The following CDHR3 variants were observed in gnomAD, a reference collection of about 807,000 sequenced individuals.
CDHR3 encodes the protein cadherin-related family member 3.
In CDHR3, 79 loss-of-function variants were observed where a neutral mutation model predicts 86.6. The ratio of observed to expected loss-of-function variants is 0.91; its 90% CI spans 0.76 to 1.10. The LOEUF (loss-of-function observed/expected upper bound fraction) is 1.10. Ranked by LOEUF, CDHR3 falls within the 50% of genes least tolerant of loss-of-function variation. The pLI is 0.00. For missense variants in CDHR3, 1,081 were observed against 1,077.6 expected (o/e 1.00, Z -0.04); for synonymous variants, 421 against 402.4 (o/e 1.05, Z -0.55).
At chr7:105,998,469 C>T (rs1271523820) in intron 6 of CDHR3, among the ~76,000 whole-genome samples, 1 of 152,266 alleles carries the variant, frequency 6.6e-6, no homozygotes, top group East Asian at 1.9e-4. Flanking sequence ...AGGAGTCTGC[C>T]ATTATTGAAG....
chr7:105,985,118 G>T (rs6980139), intron 4 of CDHR3, among the ~76,000 whole-genome samples: 22,281 of 151,734 alleles, frequency 0.15, 1,703 homozygotes, highest in African/African-American at 0.2. Flanking sequence ...GCAGGAGATT[G>T]GGTCCTGGGA....
Position 105,994,753 on chromosome 7 carries a change from T to G in CDHR3, c.516T>G (p.Tyr172Ter), listed in dbSNP as rs773875637. ...AATTTTTTTCCCTTGTTTTTTAGTA[T>G]TTCCTGATTTCTCCCCCAAAGAGCT... is the stretch of plus-strand genomic sequence containing the variant. ...EDTSRNIPLSYFLISPPKSFR... is the reference protein window; with the variant it reads ...EDTSRNIPLS The change falls in exon 5 of 19, where the codon TAT becomes TAG. Residue 172 changes from tyrosine (Y) to a stop codon, truncating the protein, a stop_gained and splice_region_variant. Coordinates refer to ENST00000317716, the MANE Select transcript of CDHR3 (RefSeq NM_152750.5). LOFTEE classifies it high-confidence loss of function. 1 of 1,608,500 alleles carries G rather than the reference T, an allele frequency of 6.2e-7. No homozygotes were observed. The highest frequency in any genetic ancestry group is 1.3e-5 in the African/African-American group (1 of 74,952).
At chr7:105,970,780 T>C (rs577203378) in intron 1 of CDHR3, among the ~76,000 whole-genome samples, 5 of 152,210 alleles carry the variant, frequency 3.3e-5, no homozygotes, top group Non-Finnish European at 4.4e-5. Flanking sequence ...CTATTGCTAT[T>C]ATTACTACTA....
At chr7:106,002,643 C>T (rs1833377551) in intron 7 of CDHR3, among the ~76,000 whole-genome samples, 1 of 152,058 alleles carries the variant, frequency 6.6e-6, no homozygotes, top group African/African-American at 2.4e-5. Context: ...GTTACTTATC[C>T]TGAGGGTTCC....
chr7:105,995,432 G>A (rs1315320890), intron 5 of CDHR3, among the ~76,000 whole-genome samples: 1 of 152,216 alleles, frequency 6.6e-6, no homozygotes, highest in Non-Finnish European at 1.5e-5. Flanking sequence ...TGGACACGGA[G>A]AGTGTCTTGG....
chr7:106,013,575 T>C (rs1449365735), intron 9 of CDHR3, among the ~76,000 whole-genome samples: 4 of 152,136 alleles, frequency 2.6e-5, no homozygotes, highest in Non-Finnish European at 5.9e-5. Flanking sequence ...AGTTAGACCT[T>C]TCCTTACAGA....
chr7:105,985,504 T>C (rs1423077795), intron 4 of CDHR3, among the ~76,000 whole-genome samples: 6 of 152,202 alleles, frequency 3.9e-5, no homozygotes, highest in East Asian at 1.9e-4. Flanking sequence ...GCAGCTTCAA[T>C]TGGACTACTT....
chr7:106,001,571 A>G lies in CDHR3; in HGVS notation c.823A>G (p.Ser275Gly). 2 of 1,614,038 alleles carry G rather than the reference A, an allele frequency of 1.2e-6. No homozygotes were observed. Among genetic ancestry groups the G allele is most frequent in the Middle Eastern group, 1.6e-4 (1 of 6,062 alleles). The change falls in exon 7 of 19, where the codon AGC (serine) becomes GGC (glycine). Residue 275 changes from serine to glycine, a missense_variant. By Grantham distance (56) the Ser-to-Gly change is moderately conservative. Coordinates refer to ENST00000317716, the MANE Select transcript of CDHR3 (RefSeq NM_152750.5). ...AGGTTTTCCCAGCCACCTCCTCTAC[A>G]GCATTACCACTGTTAGCAAATATTT... ...DEGFPSHLLY[S>G]ITTVSKYFMI...
chr7:105,969,370 A>G (rs4997842), intron 1 of CDHR3, among the ~76,000 whole-genome samples: 1 of 135,644 alleles, frequency 7.4e-6, no homozygotes, highest in Non-Finnish European at 1.5e-5. Flanking sequence ...ACTGCACTCC[A>G]GCCTGGGCGA....
chr7:105,994,851 C>G lies in CDHR3; in HGVS notation c.608+6C>G, dbSNP rs374760408. The G allele has an allele frequency of 2.8e-4, 451 of 1,598,282 alleles. 3 individuals carry two copies. Among genetic ancestry groups the G allele is most frequent in the Middle Eastern group, 8.3e-4 (5 of 6,050 alleles). ...TTTGAAGCAGGACACAGAAGGTAGT[C>G]TTGCTATTGACCTTGCATGAAGTAC... On this transcript the variant is annotated splice_donor_region_variant and intron_variant, in intron 5 of 18. Transcript: ENST00000317716.
At position 105,977,839 on chromosome 7, in the gene CDHR3, C is replaced by T. The variant is rs540098343; in HGVS notation, c.249+2793C>T. On this transcript the variant is annotated intron_variant, in intron 2 of 18. Coordinates refer to ENST00000317716, the MANE Select transcript of CDHR3 (RefSeq NM_152750.5). The stretch of plus-strand genomic sequence containing the variant: ...AAATCATGCAAGAGGCCAAGCCTCC[C>T]TGCTTTGGGACACAGCTATTGAGAC... Among the ~76,000 whole-genome samples the T allele has an allele frequency of 4.6e-5, 7 of 152,296 alleles. No homozygotes were observed. In the South Asian group the frequency reaches 1.0e-3, roughly 23 times the overall value.
intron 4 of CDHR3, among the ~76,000 whole-genome samples, chr7:105,986,996 A>G (rs1452522371): frequency 6.6e-6 from 1 of 152,208 alleles, no homozygotes; most frequent in Non-Finnish European, 1.5e-5. Flanking sequence ...CCAGTGGGGG[A>G]AAAGTGGAAA....
chr7:105,964,915 T>G (rs1003519283), intron 1 of CDHR3, among the ~76,000 whole-genome samples: 2 of 152,064 alleles, frequency 1.3e-5, no homozygotes, highest in Non-Finnish European at 2.9e-5. Context: ...ATTTCAGATT[T>G]CCCCCAGAAA....
chr7:105,995,980 A>G (rs937257821), intron 5 of CDHR3, among the ~76,000 whole-genome samples: 5 of 152,156 alleles, frequency 3.3e-5, no homozygotes, highest in African/African-American at 1.2e-4. Context: ...ACACCGGGAT[A>G]GATGTGCAGC....
chr7:105,997,280 C>A (rs1832397114), intron 6 of CDHR3, among the ~76,000 whole-genome samples: 1 of 152,220 alleles, frequency 6.6e-6, no homozygotes, highest in African/African-American at 2.4e-5. Flanking sequence ...TGGCAAACAC[C>A]ACAATTGCAC....
At position 105,981,057 on chromosome 7, in the gene CDHR3, C is replaced by T. The variant is rs753418116; in HGVS notation, c.339C>T (p.Val113=). The T allele has an allele frequency of 2.5e-6, 4 of 1,613,300 alleles. No homozygotes were observed. Among genetic ancestry groups the T allele is most frequent in the Non-Finnish European group, 3.4e-6 (4 of 1,179,632 alleles). The stretch of plus-strand genomic sequence containing the variant: ...TTTATGTGAAGGATGAGGTTGGTGT[C>T]ACAGACCTGCAAGTCCTGACTGTCC... ...LQIYVKDEVG[V]TDLQVLTVQV... Residue 113 remains valine, a synonymous_variant, in exon 3 of 19, where the codon GTC becomes GTT. Transcript: ENST00000317716.
At chr7:106,021,344 G>C (rs999618582) in intron 13 of CDHR3, among the ~76,000 whole-genome samples, 2 of 152,128 alleles carry the variant, frequency 1.3e-5, no homozygotes, top group African/African-American at 4.8e-5. Context: ...GAAGCCTCTC[G>C]AGCTGGCTGT....
At chr7:106,029,265 G>A (rs774890494) in intron 17 of CDHR3, among the ~76,000 whole-genome samples, 2 of 152,110 alleles carry the variant, frequency 1.3e-5, no homozygotes, top group Non-Finnish European at 2.9e-5. Flanking sequence ...ATAGGCATGA[G>A]CCACTGCGCC....
intron 1 of CDHR3, among the ~76,000 whole-genome samples, chr7:105,974,495 C>G (rs952882960): frequency 2.1e-5 from 3 of 142,726 alleles, no homozygotes; most frequent in African/African-American, 7.6e-5. Context: ...AGGCAAGTTT[C>G]TTTAGGCGGA....
Sources: gnomAD v4.1 joint callset for allele counts (sites outside exome capture counted in the v4.1 genomes callset) on GRCh38, gnomAD v4.1.1 for gene constraint, MANE v1.5 for transcripts, NCBI Gene and HGNC (gene_info 2026-07-23, HGNC 2026-07-21) for gene names.